RNF4: variants seen among roughly 807,000 people sequenced by gnomAD.
RNF4 encodes the protein ring finger protein 4.
Under a neutral mutation model 24.3 loss-of-function variants are expected in RNF4, and 7 were observed. That is an observed-to-expected ratio of 0.29 (90% CI 0.16 to 0.54). RNF4 has a LOEUF of 0.54. Among genes scored for constraint, RNF4 ranks in the 20% least tolerant of loss-of-function variants. The probability of loss-of-function intolerance (pLI) is 0.95; values close to 1 mark genes in which losing one functional copy is unlikely to be tolerated. For missense variants in RNF4, 209 were observed against 248.5 expected, an observed-to-expected ratio of 0.84 and a Z score of 1.07; for synonymous variants, 83 against 84.3, an observed-to-expected ratio of 0.98 and a Z score of 0.09.
intron 1 of RNF4, among the ~76,000 whole-genome samples, chr4:2,482,543 G>T (rs1735274973): frequency 6.6e-6 from 1 of 152,174 alleles, no homozygotes; most frequent in Non-Finnish European, 1.5e-5. Flanking sequence ...AAATTACCTT[G>T]TTTTTATATG....
At position 2,497,042 on chromosome 4, in the gene RNF4, A is replaced by C. The variant is rs548775256; in HGVS notation, c.45A>C (p.Gln15His). The C allele has an allele frequency of 6.2e-7, 1 of 1,607,588 alleles. No individual in the cohort carries two copies. Among genetic ancestry groups the C allele is most frequent in the Non-Finnish European group, 8.5e-7 (1 of 1,177,178 alleles). The change falls in exon 3 of 8, where the codon CAA becomes CAC. Residue 15 changes from glutamine to histidine, a missense_variant. Around this residue, in one of 3 missense-constraint regions of RNF4, gnomAD observed 182 missense variants for 197.2 expected, o/e 0.92. Transcript: ENST00000314289. ...GTGGTGGAGCAATAAATTCTAGACA[A>C]GCTCAGAAGCGAACTCGGGAAGCAA... ...KRRGGAINSR[Q>H]AQKRTREATS...
At chr4:2,473,248 G>A (rs1734961757) in intron 1 of RNF4, among the ~76,000 whole-genome samples, 2 of 151,970 alleles carry the variant, frequency 1.3e-5, no homozygotes, top group South Asian at 2.1e-4. Context: ...GCCAGGCATG[G>A]TGGCACGCTC....
At chr4:2,493,743 TAAA>T (rs34740719) in intron 2 of RNF4, among the ~76,000 whole-genome samples, 32 of 88,136 alleles carry the variant, frequency 3.6e-4, no homozygotes, top group African/African-American at 1.1e-3. Flanking sequence ...GACTCCGTCT[TAAA>T]AAAAAAAAAA....
chr4:2,512,273 C>T lies in RNF4; in HGVS notation c.215-165C>T. The T allele has an allele frequency of 1.2e-6, 1 of 840,838 alleles. No homozygotes were observed. Among genetic ancestry groups the T allele is most frequent in the South Asian group, 1.6e-5 (1 of 62,540 alleles). The allele number at this position is 840,838 out of a possible 1,614,324, so 52.1% of individuals were successfully genotyped here. A position where few individuals can be genotyped will look rare whatever the true frequency, so the allele number is the denominator to read the frequency against. On this transcript the variant is annotated intron_variant, in intron 5 of 7. Transcript: ENST00000314289. This position sits in a 1 kb window ranked among gnomAD's most constrained non-coding sequence, Gnocchi z 4.1. ...CCTGGGAAGATAAGATAGTGGCCTC[C>T]AGAGCTGGGCAGAACCTTCTGGGTT...
At chr4:2,510,674 A>G (rs1299965050) in intron 4 of RNF4, among the ~76,000 whole-genome samples, 1 of 152,236 alleles carries the variant, frequency 6.6e-6, no homozygotes, top group Non-Finnish European at 1.5e-5. Context: ...GTAGGGCAGG[A>G]TGTCCTGCCC....
intron 1 of RNF4, chr4:2,489,914 CTCTTG>C (rs1327070822): frequency 5.2e-5 from 8 of 152,856 alleles, no homozygotes; most frequent in Non-Finnish European, 1.0e-4. Flanking sequence ...GAGTGAGTGG[CTCTTG>C]TCTTCTCAAC....
chr4:2,499,196 C>CAAA, intron 3 of RNF4: 3 of 311,130 alleles, frequency 9.6e-6, no homozygotes, highest in Non-Finnish European at 1.9e-5. Context: ...GACTCTGTCT[C>CAAA]AAAAAAAAAA....
chr4:2,500,807 A>G, intron 4 of RNF4, 69 bp downstream of exon 4: 1 of 1,456,468 alleles, frequency 6.9e-7, no homozygotes, highest in Non-Finnish European at 9.6e-7. Flanking sequence ...AGCATCTGAC[A>G]GCCTTGGTCA....
At chr4:2,510,790 C>A (rs1736250772) in intron 4 of RNF4, among the ~76,000 whole-genome samples, 1 of 152,140 alleles carries the variant, frequency 6.6e-6, no homozygotes, top group Non-Finnish European at 1.5e-5. Context: ...TTCCACTGGC[C>A]CCCCTAGATG....
Position 2,514,108 on chromosome 4 carries a change from G to T in RNF4, c.*289G>T, listed in dbSNP as rs377557220. The T allele has an allele frequency of 1.6e-5, 6 of 375,392 alleles. No individual in the cohort carries two copies. The highest frequency in any genetic ancestry group is 9.4e-5 in the South Asian group (2 of 21,336). 23.3% of individuals were successfully genotyped at this position (375,392 alleles called of 1,614,324 possible). On this transcript the variant is annotated 3_prime_UTR_variant, in exon 8 of 8. Transcript: ENST00000314289. The stretch of plus-strand genomic sequence containing the variant: ...GAATCGTGGTTCCAGTCTGGTTGCA[G>T]AATCTGCACATTTGCCAAGAAATTT...
chr4:2,502,248 A>C (rs1735932962), intron 4 of RNF4, among the ~76,000 whole-genome samples: 2 of 152,158 alleles, frequency 1.3e-5, no homozygotes, highest in Admixed American at 6.6e-5. Flanking sequence ...AGTGTTCACC[A>C]CAGTCTTCTT....
chr4:2,511,916 T>C (rs1736279318), intron 4 of RNF4, 40 bp from the exon 5 acceptor site: 2 of 1,582,094 alleles, frequency 1.3e-6, no homozygotes, highest in African/African-American at 2.7e-5. Context: ...ATCAAACTGA[T>C]TGCTTCTTTC....
chr4:2,476,694 T>A (rs2108750223), intron 1 of RNF4, among the ~76,000 whole-genome samples: 1 of 146,480 alleles, frequency 6.8e-6, no homozygotes, highest in South Asian at 2.1e-4. Flanking sequence ...TCCAGCCCTT[T>A]TCTTTCTTTC....
chr4:2,490,383 G>A lies in RNF4; in HGVS notation c.-111G>A. 9.6e-7 allele frequency: 1 copy of A among 1,046,626 alleles called. No individual in the cohort carries two copies. Among genetic ancestry groups the A allele is most frequent in the African/African-American group, 1.6e-5 (1 of 62,972 alleles). The allele number at this position is 1,046,626 out of a possible 1,614,324, so 64.8% of individuals were successfully genotyped here. On this transcript the variant is annotated 5_prime_UTR_variant, in exon 2 of 8. Coordinates refer to ENST00000314289, the MANE Select transcript of RNF4 (RefSeq NM_002938.5). ...TGTCCGGATCCAAATTATTTTGCAA[G>A]CCAGATGAGTAACCAGAGGGCATGA...
At chr4:2,493,636 C>T (rs1448466402) in intron 2 of RNF4, among the ~76,000 whole-genome samples, 1 of 147,290 alleles carries the variant, frequency 6.8e-6, no homozygotes, top group Non-Finnish European at 1.5e-5. Flanking sequence ...CCCAGCTACT[C>T]GGGAGGCTGA....
intron 3 of RNF4, among the ~76,000 whole-genome samples, chr4:2,498,028 T>C (rs1735791631): frequency 6.6e-6 from 1 of 152,188 alleles, no homozygotes; most frequent in African/African-American, 2.4e-5. Flanking sequence ...GTCTCTGAGT[T>C]TCACTTCTAC....
At chr4:2,472,579 AC>A (rs1220905623) in intron 1 of RNF4, among the ~76,000 whole-genome samples, 4 of 129,668 alleles carry the variant, frequency 3.1e-5, no homozygotes, top group Admixed American at 8.8e-5. Flanking sequence ...TAGTGAGACC[AC>A]CCCCTCCACT....
At chr4:2,473,245 A>G (rs1260384286) in intron 1 of RNF4, among the ~76,000 whole-genome samples, 1 of 150,694 alleles carries the variant, frequency 6.6e-6, no homozygotes, top group Non-Finnish European at 1.5e-5. Context: ...TTAGCCAGGC[A>G]TGGTGGCACG....
At position 2,514,253 on chromosome 4, in the gene RNF4, C is replaced by T. The variant is rs994365025; in HGVS notation, c.*434C>T. The T allele has an allele frequency of 4.3e-5, 8 of 184,322 alleles. No homozygotes were observed. The highest frequency in any genetic ancestry group is 1.3e-4 in the East Asian group (1 of 7,804). The allele number at this position is 184,322 out of a possible 1,614,324, so 11.4% of individuals were successfully genotyped here. A position where few individuals can be genotyped will look rare whatever the true frequency, so the allele number is the denominator to read the frequency against. On this transcript the variant is annotated 3_prime_UTR_variant, in exon 8 of 8. Transcript: ENST00000314289. The stretch of plus-strand genomic sequence containing the variant: ...CAAGCCAGACCCGGTTCACCCAGCT[C>T]GAGGATCCCAGGTTGAAGAGTGGCC...
Sources: allele counts gnomAD v4.1 joint callset (sites outside exome capture counted in the v4.1 genomes callset), GRCh38; gene constraint gnomAD v4.1.1; regional missense constraint gnomAD v4.1.1; non-coding constraint Gnocchi (gnomAD v3.1); transcripts MANE v1.5; gene names NCBI Gene and HGNC (gene_info 2026-07-23, HGNC 2026-07-21).